The following WDR72 variants were observed in gnomAD, a reference collection of about 807,000 sequenced individuals.
WDR72 encodes the protein WD repeat domain 72, also known as WD repeat-containing protein 72.
A neutral mutation model predicts 124.2 loss-of-function variants in WDR72; 120 were observed. That is an observed-to-expected ratio of 0.97 (90% CI 0.83 to 1.12). WDR72 has a LOEUF of 1.12. Among genes scored for constraint, WDR72 ranks in the 50% most tolerant of loss-of-function variants. The pLI is 0.00. For missense variants in WDR72, 1,387 were observed against 1,278.8 expected (o/e 1.08, Z -1.29); for synonymous variants, 452 against 441.7 (o/e 1.02, Z -0.29).
chr15:53,672,084 A>G (rs2016011178), intron 13 of WDR72, among the ~76,000 whole-genome samples: 1 of 152,134 alleles, frequency 6.6e-6, no homozygotes, highest in Admixed American at 6.5e-5. Flanking sequence ...TGAAATACAC[A>G]CCTGAATCCT....
At chr15:53,731,051 C>G (rs1453422897) in intron 2 of WDR72, among the ~76,000 whole-genome samples, 5 of 152,158 alleles carry the variant, frequency 3.3e-5, no homozygotes, top group Admixed American at 3.3e-4. Context: ...GAGTATCTCA[C>G]ATTCATACGA....
intron 14 of WDR72, among the ~76,000 whole-genome samples, chr15:53,620,065 T>G (rs28521696): frequency 6.6e-6 from 1 of 152,064 alleles, no homozygotes; most frequent in Admixed American, 6.6e-5. Context: ...TTTGGCAACA[T>G]GTATCAATAA....
intron 18 of WDR72, among the ~76,000 whole-genome samples, chr15:53,560,757 C>A (rs1004364759): frequency 6.6e-6 from 1 of 151,508 alleles, no homozygotes; most frequent in African/African-American, 2.4e-5. Flanking sequence ...ATGGTATGAC[C>A]CTTGTCTTTA....
chr15:53,715,730 T>C (rs1410881354), intron 4 of WDR72, among the ~76,000 whole-genome samples: 4 of 152,176 alleles, frequency 2.6e-5, no homozygotes, highest in African/African-American at 4.8e-5. Flanking sequence ...GAGGCTATGG[T>C]GGGAAGACCA....
At chr15:53,578,949 G>A (rs548720176) in intron 18 of WDR72, among the ~76,000 whole-genome samples, 3 of 152,046 alleles carry the variant, frequency 2.0e-5, no homozygotes, top group African/African-American at 4.8e-5. Context: ...ATAAAAACCC[G>A]ATTTCATAGC....
At position 53,735,364 on chromosome 15, in the gene WDR72, A is replaced by G. The variant is rs574035313; in HGVS notation, c.-12-2203T>C. 1.6e-4 allele frequency among the ~76,000 whole-genome samples: 25 copies of G among 152,346 alleles called. No homozygotes were observed. In the South Asian group the frequency reaches 5.0e-3, roughly 30 times the overall value. Reference sequence around the variant, plus strand: ...TCATACACTGACGGGGGGAACGTACAATGGAAAACAGTTTGGCAGAAATAG... The same window carrying G: ...TCATACACTGACGGGGGGAACGTACGATGGAAAACAGTTTGGCAGAAATAG... On this transcript the variant is annotated intron_variant, in intron 1 of 19. Coordinates refer to ENST00000360509, the MANE Select transcript of WDR72 (RefSeq NM_182758.4).
intron 3 of WDR72, among the ~76,000 whole-genome samples, chr15:53,721,848 A>C (rs775621344): frequency 6.6e-6 from 1 of 152,064 alleles, no homozygotes; most frequent in Non-Finnish European, 1.5e-5. Flanking sequence ...TCAGGAGCCT[A>C]GTTCATAGTA....
intron 14 of WDR72, among the ~76,000 whole-genome samples, chr15:53,643,040 C>T (rs1312721333): frequency 6.6e-6 from 1 of 151,998 alleles, no homozygotes; most frequent in Non-Finnish European, 1.5e-5. Context: ...TAAGCTTCTC[C>T]TTTGCCACTG....
intron 1 of WDR72, among the ~76,000 whole-genome samples, chr15:53,741,852 C>G (rs886746341): frequency 3.9e-5 from 6 of 152,048 alleles, no homozygotes; most frequent in African/African-American, 7.2e-5. Flanking sequence ...CTCAGCCTCC[C>G]GAGTAGCTGG....
At chr15:53,547,559 G>C (rs1299871163) in intron 18 of WDR72, among the ~76,000 whole-genome samples, 2 of 152,164 alleles carry the variant, frequency 1.3e-5, no homozygotes, top group Non-Finnish European at 2.9e-5. Context: ...GTGGTTGTAA[G>C]AGCTAAATAT....
chr15:53,707,633 A>C (rs1446642713), intron 9 of WDR72, among the ~76,000 whole-genome samples: 2 of 151,976 alleles, frequency 1.3e-5, no homozygotes, highest in African/African-American at 2.4e-5. Context: ...TTTTTAGTAG[A>C]GATGGGGTTT....
chr15:53,652,942 G>C (rs996497332), intron 14 of WDR72, among the ~76,000 whole-genome samples: 2 of 152,098 alleles, frequency 1.3e-5, no homozygotes, highest in African/African-American at 4.8e-5. Flanking sequence ...TTGTAATTGA[G>C]ACTGGTGTCT....
Position 53,609,477 on chromosome 15 carries a change from C to G in WDR72, c.2952+36G>C, listed in dbSNP as rs753239258. 100 of 1,573,810 alleles carry G rather than the reference C, an allele frequency of 6.4e-5. 2 individuals are homozygous for G. In the South Asian group the frequency reaches 1.1e-3, roughly 17 times the overall value. On this transcript the variant is annotated intron_variant, in intron 17 of 19. Coordinates refer to ENST00000360509, the MANE Select transcript of WDR72 (RefSeq NM_182758.4). ...CCATGAACCACAGCAGCAAGGAACT[C>G]TTCTAATAACGTCATGAATGTGAAT... is the stretch of plus-strand genomic sequence containing the variant.
At chr15:53,736,799 C>G (rs1163808329) in intron 1 of WDR72, among the ~76,000 whole-genome samples, 1 of 151,988 alleles carries the variant, frequency 6.6e-6, no homozygotes, top group Non-Finnish European at 1.5e-5. Context: ...ACACAGAGGA[C>G]AGGGTAGCAC....
intron 17 of WDR72, among the ~76,000 whole-genome samples, chr15:53,606,459 G>C (rs568771578): frequency 6.6e-6 from 1 of 152,226 alleles, no homozygotes; most frequent in East Asian, 1.9e-4. Context: ...CTGCTTTTCT[G>C]GGCATTGGTA....
At chr15:53,517,834 G>C in intron 19 of WDR72, 80 bp from the exon 20 acceptor site, 4 of 1,349,750 alleles carry the variant, frequency 3.0e-6, no homozygotes, top group Non-Finnish European at 4.3e-6. Context: ...GGAGGGGAGG[G>C]AGAGAGGAAA....
rs558203490 is a variant in WDR72 at position 53,671,886 on chromosome 15, T to A, written c.1766-6118A>T. On this transcript the variant is annotated intron_variant, in intron 13 of 19. Coordinates refer to ENST00000360509, the MANE Select transcript of WDR72 (RefSeq NM_182758.4). ...TAAAGATGAGATGGAAATAAGAAAA[T>A]GCACAGAGAGAGACAGAAATGGAGA... 1.3e-4 allele frequency among the ~76,000 whole-genome samples: 18 copies of A among 139,472 alleles called. No individual in the cohort carries two copies. In the South Asian group the frequency reaches 3.8e-3, roughly 30 times the overall value. 91.5% of individuals were successfully genotyped at this position (139,472 alleles called of 152,430 possible).
rs377691190 is a variant in WDR72 at position 53,558,152 on chromosome 15, T to C, written c.3149-34830A>G. 9.2e-5 allele frequency among the ~76,000 whole-genome samples: 14 copies of C among 152,078 alleles called. No homozygotes were observed. In the East Asian group the frequency reaches 2.3e-3, roughly 25 times the overall value. On this transcript the variant is annotated intron_variant, in intron 18 of 19. Transcript: ENST00000360509. ...TACTATAAATGTGTCCTAGAATCTA[T>C]TGCTCATTCTATAGTAGGAATTCAT...
chr15:53,628,511 T>A (rs1001204326), intron 14 of WDR72, among the ~76,000 whole-genome samples: 4 of 152,160 alleles, frequency 2.6e-5, no homozygotes, highest in Non-Finnish European at 4.4e-5. Context: ...GATTTCTTGA[T>A]GCGGAAAATT....
Sources: gnomAD v4.1 joint callset for allele counts (sites outside exome capture counted in the v4.1 genomes callset) on GRCh38, gnomAD v4.1.1 for gene constraint, MANE v1.5 for transcripts, NCBI Gene and HGNC (gene_info 2026-07-23, HGNC 2026-07-21) for gene names.